NEGR1: variants seen among roughly 807,000 people sequenced by gnomAD.
NEGR1 encodes the protein neuronal growth regulator 1.
A neutral mutation model predicts 40.9 loss-of-function variants in NEGR1; 10 were observed. The observed-to-expected ratio is 0.24, with a 90% confidence interval of 0.15 to 0.42. NEGR1 has a LOEUF of 0.42. Among genes scored for constraint, NEGR1 ranks in the 10% least tolerant of loss-of-function variants. The probability of loss-of-function intolerance (pLI) is 1.00; values close to 1 mark genes in which losing one functional copy is unlikely to be tolerated. For missense variants in NEGR1, 352 were observed against 438.9 expected (o/e 0.80, Z 1.77); for synonymous variants, 185 against 166.8 (o/e 1.11, Z -0.84).
chr1:71,551,041 T>C (rs1648059404), intron 6 of NEGR1, among the ~76,000 whole-genome samples: 1 of 151,590 alleles, frequency 6.6e-6, no homozygotes, highest in Non-Finnish European at 1.5e-5. Context: ...TTGTATGCTC[T>C]TAAGAAGAAT....
intron 1 of NEGR1, among the ~76,000 whole-genome samples, chr1:72,035,937 A>G (rs1001888158): frequency 4.6e-5 from 7 of 152,198 alleles, no homozygotes; most frequent in Non-Finnish European, 8.8e-5. Context: ...AGTTCTTCCC[A>G]TATCTCACTC....
At chr1:71,683,953 T>C (rs1185323102) in intron 4 of NEGR1, among the ~76,000 whole-genome samples, 1 of 152,086 alleles carries the variant, frequency 6.6e-6, no homozygotes, top group Admixed American at 6.6e-5. Flanking sequence ...AGATGAACAA[T>C]GTTTACTGTC....
At chr1:71,828,144 T>A (rs1163888043) in intron 2 of NEGR1, among the ~76,000 whole-genome samples, 5 of 151,934 alleles carry the variant, frequency 3.3e-5, no homozygotes, top group African/African-American at 1.2e-4. Flanking sequence ...GTAATGGGAA[T>A]TGAATAAATA....
At chr1:71,766,056 C>T (rs1393851633) in intron 3 of NEGR1, among the ~76,000 whole-genome samples, 1 of 151,842 alleles carries the variant, frequency 6.6e-6, no homozygotes, top group Non-Finnish European at 1.5e-5. Context: ...CGCCTGTAAT[C>T]CCAGCTACTC....
chr1:72,017,124 A>ATG (rs1247259885), intron 1 of NEGR1, among the ~76,000 whole-genome samples: 9 of 131,578 alleles, frequency 6.8e-5, no homozygotes, highest in East Asian at 2.7e-4. Context: ...ATATACACAT[A>ATG]TATGTGTGTG....
chr1:72,254,255 G>A (rs776597305), intron 1 of NEGR1, among the ~76,000 whole-genome samples: 2 of 152,182 alleles, frequency 1.3e-5, no homozygotes, highest in Non-Finnish European at 2.9e-5. Flanking sequence ...TAGTAGAACT[G>A]TATGTATTTA....
At chr1:71,571,373 C>G (rs1241204080) in intron 6 of NEGR1, among the ~76,000 whole-genome samples, 1 of 152,158 alleles carries the variant, frequency 6.6e-6, no homozygotes, top group Admixed American at 6.5e-5. Flanking sequence ...GTCAGATTTA[C>G]CATTTTTAAA....
At chr1:71,747,769 T>C (rs1236531319) in intron 3 of NEGR1, among the ~76,000 whole-genome samples, 1 of 151,744 alleles carries the variant, frequency 6.6e-6, no homozygotes, top group African/African-American at 2.4e-5. Context: ...CCAGGTAGAA[T>C]GGGTGGATTT....
intron 1 of NEGR1, among the ~76,000 whole-genome samples, chr1:71,962,628 T>G (rs2100299144): frequency 6.6e-6 from 1 of 152,198 alleles, no homozygotes; most frequent in East Asian, 1.9e-4. Context: ...ATCTCTTAGA[T>G]AATAATATGT....
At chr1:71,727,731 T>G (rs1015264594) in intron 3 of NEGR1, among the ~76,000 whole-genome samples, 1 of 152,122 alleles carries the variant, frequency 6.6e-6, no homozygotes, top group East Asian at 1.9e-4. Flanking sequence ...ACTGTATTCA[T>G]GGAGGGCATT....
At chr1:71,788,844 A>G (rs1382831042) in intron 2 of NEGR1, among the ~76,000 whole-genome samples, 4 of 152,120 alleles carry the variant, frequency 2.6e-5, no homozygotes, top group Non-Finnish European at 5.9e-5. Context: ...GTCATTTGCT[A>G]TGCACTAGGG....
chr1:71,855,823 A>G (rs547594210), intron 2 of NEGR1, among the ~76,000 whole-genome samples: 1 of 152,166 alleles, frequency 6.6e-6, no homozygotes, highest in South Asian at 2.1e-4. Context: ...GGAAAGGTTG[A>G]ATTTAGAAAA....
chr1:72,188,481 C>A (rs572613963), intron 1 of NEGR1, among the ~76,000 whole-genome samples: 4 of 151,450 alleles, frequency 2.6e-5, no homozygotes, highest in African/African-American at 9.6e-5. Flanking sequence ...CTTTTAGAGC[C>A]TATACTTTTA....
rs1553138838 is a variant in NEGR1, at chr1:71,403,019, G to GAATAGCAATGATACTT, written c.*4411_*4426dup. On this transcript the variant is annotated 3_prime_UTR_variant, in exon 7 of 7. Transcript: ENST00000357731. ...GGCTTTGGTGTATATAGATTTCTCA[G>GAATAGCAATGATACTT]AATAGCAATGATACTTATATTTCAA... is the stretch of plus-strand genomic sequence containing the variant. 6.6e-6 allele frequency: 1 copy of GAATAGCAATGATACTT among 152,072 alleles called. No individual in the cohort carries two copies. The highest frequency in any genetic ancestry group is 1.5e-5 in the Non-Finnish European group (1 of 67,946). 9.4% of individuals were successfully genotyped at this position (152,072 alleles called of 1,614,324 possible).
intron 6 of NEGR1, among the ~76,000 whole-genome samples, chr1:71,507,299 TAGAC>T (rs1263069634): frequency 2.0e-5 from 3 of 152,172 alleles, no homozygotes; most frequent in Non-Finnish European, 2.9e-5. Context: ...AAGGAAGAAT[TAGAC>T]AGGATAGGGG....
intron 1 of NEGR1, among the ~76,000 whole-genome samples, chr1:72,047,148 T>G (rs2100467733): frequency 6.6e-6 from 1 of 151,596 alleles, no homozygotes; most frequent in South Asian, 2.1e-4. Context: ...TGTTTTTTTT[T>G]TGTGCCAGCA....
intron 1 of NEGR1, among the ~76,000 whole-genome samples, chr1:72,014,172 TATTAAC>T (rs986217748): frequency 6.6e-6 from 1 of 151,936 alleles, no homozygotes; most frequent in African/African-American, 2.4e-5. Flanking sequence ...AAGTTATACT[TATTAAC>T]ATTATTAGCT....
intron 4 of NEGR1, among the ~76,000 whole-genome samples, chr1:71,664,864 A>G (rs1334366207): frequency 6.6e-6 from 1 of 152,118 alleles, no homozygotes; most frequent in Non-Finnish European, 1.5e-5. Flanking sequence ...TGCCATTTGG[A>G]CTTACTTTAT....
chr1:71,699,020 C>T (rs971438559), intron 3 of NEGR1, among the ~76,000 whole-genome samples: 10 of 151,838 alleles, frequency 6.6e-5, no homozygotes, highest in African/African-American at 2.4e-4. Flanking sequence ...AGAGAGGAGA[C>T]CCTTCTACCT....
Sources: allele counts gnomAD v4.1 joint callset (sites outside exome capture counted in the v4.1 genomes callset), GRCh38; gene constraint gnomAD v4.1.1; transcripts MANE v1.5; gene names NCBI Gene and HGNC (gene_info 2026-07-23, HGNC 2026-07-21).